FCHSD2: variants seen among roughly 807,000 people sequenced by gnomAD.
FCHSD2 encodes the protein FCH and double SH3 domains 2, also known as F-BAR and double SH3 domains protein 2.
FCHSD2 carries 38 observed loss-of-function variants against 108.1 expected under a neutral mutation model. The observed-to-expected ratio is 0.35, with a 90% CI of 0.27 to 0.46. The LOEUF (loss-of-function observed/expected upper bound fraction) is 0.46, where lower values mean the gene tolerates loss of function less well. Among genes scored for constraint, FCHSD2 ranks in the 20% least tolerant of loss-of-function variants. The pLI is 1.00. For missense variants in FCHSD2, 751 were observed against 897.8 expected, an observed-to-expected ratio of 0.84 and a Z score of 2.09; for synonymous variants, 279 against 314.7, an observed-to-expected ratio of 0.89 and a Z score of 1.20.
At chr11:72,887,882 C>T (rs943322696) in intron 11 of FCHSD2, among the ~76,000 whole-genome samples, 1 of 152,114 alleles carries the variant, frequency 6.6e-6, no homozygotes, top group Non-Finnish European at 1.5e-5. Context: ...TGTAAAAACC[C>T]TCTTGTTCTA....
intron 8 of FCHSD2, 21 bp downstream of exon 8, chr11:72,984,067 T>C (rs375183560): frequency 1.9e-6 from 3 of 1,591,350 alleles, no homozygotes; most frequent in East Asian, 2.2e-5. Context: ...AAAATTACCA[T>C]AGATATGAAA....
intron 10 of FCHSD2, among the ~76,000 whole-genome samples, chr11:72,901,778 G>A (rs2135272748): frequency 6.6e-6 from 1 of 152,102 alleles, no homozygotes. Context: ...AATCTGAAAG[G>A]AATTATAAAA....
chr11:73,019,319 C>T (rs535678446), intron 3 of FCHSD2, among the ~76,000 whole-genome samples: 1 of 152,172 alleles, frequency 6.6e-6, no homozygotes, highest in East Asian at 1.9e-4. Context: ...TTGTTATCAC[C>T]ACAGAGAAAT....
chr11:72,997,007 A>G (rs1857530247), intron 5 of FCHSD2, among the ~76,000 whole-genome samples: 1 of 152,144 alleles, frequency 6.6e-6, no homozygotes. Context: ...AGGGATGCCA[A>G]AAGAACAGGA....
intron 4 of FCHSD2, among the ~76,000 whole-genome samples, chr11:73,008,782 T>C (rs1313412382): frequency 6.6e-6 from 1 of 152,160 alleles, no homozygotes; most frequent in Non-Finnish European, 1.5e-5. Context: ...TTATAGCAGA[T>C]GGAATTGTGA....
chr11:73,060,513 G>C (rs540423917), intron 3 of FCHSD2, among the ~76,000 whole-genome samples: 1 of 152,122 alleles, frequency 6.6e-6, no homozygotes, highest in South Asian at 2.1e-4. Context: ...GTTTTCCAGG[G>C]GAAATAATCA....
In FCHSD2 at chr11:72,837,429, T is replaced by A. The variant is rs1293147213; in HGVS notation, c.*1362A>T. The A allele has an allele frequency of 2.7e-5, 4 of 150,332 alleles. No individual in the cohort carries two copies. 9.3% of individuals were successfully genotyped at this position (150,332 alleles called of 1,614,324 possible). A position where few individuals can be genotyped will look rare whatever the true frequency, so the allele number is the denominator to read the frequency against. ...AGTTTTCAAAGCATAATACAACTTG[T>A]AGATTAAATTCTGCAAATTTGATTT... On this transcript the variant is annotated 3_prime_UTR_variant, in exon 20 of 20. Transcript: ENST00000409418.
rs897581169 is a variant in FCHSD2 at position 72,993,679 on chromosome 11, G to A, written c.388-4582C>T. ...AAGGACAAAAAACCAAACACCGCAT[G>A]TTCTCACTCATAGGTGGGAATTGAA... On this transcript the variant is annotated intron_variant, in intron 5 of 19. Transcript: ENST00000409418. Among the ~76,000 whole-genome samples, 462 of 150,024 alleles carry A rather than the reference G, an allele frequency of 3.1e-3. 5 individuals carry two copies. Among genetic ancestry groups the A allele is most frequent in the African/African-American group, 0.011 (437 of 40,806 alleles).
chr11:73,088,386 T>C (rs1427607067), intron 2 of FCHSD2, among the ~76,000 whole-genome samples: 1 of 152,124 alleles, frequency 6.6e-6, no homozygotes, highest in Non-Finnish European at 1.5e-5. Flanking sequence ...GTTCACACAA[T>C]GACGAAATTG....
intron 8 of FCHSD2, among the ~76,000 whole-genome samples, chr11:72,977,146 A>G (rs1857119451): frequency 6.6e-6 from 1 of 151,366 alleles, no homozygotes; most frequent in African/African-American, 2.4e-5. Flanking sequence ...GTGGTCTTGA[A>G]CTCCTGACCT....
rs532681104 is a variant in FCHSD2, at chr11:73,101,491, G to C, written c.120-17751C>G. ...GTCTCACTCTGTCACCTAGGCTGGAGTGCAGTGGTATGATCATGGCTCACT... is the reference window on the plus strand; with the variant it reads ...GTCTCACTCTGTCACCTAGGCTGGACTGCAGTGGTATGATCATGGCTCACT... On this transcript the variant is annotated intron_variant, in intron 2 of 19. Transcript: ENST00000409418. 3.3e-5 allele frequency among the ~76,000 whole-genome samples: 5 copies of C among 152,234 alleles called. No individual in the cohort carries two copies. The South Asian group carries it at 1.0e-3, about 32-fold the overall frequency.
intron 8 of FCHSD2, among the ~76,000 whole-genome samples, chr11:72,966,230 G>A (rs557767380): frequency 1.3e-5 from 2 of 151,710 alleles, no homozygotes; most frequent in Admixed American, 6.6e-5. Context: ...TGCGATGTCG[G>A]CTCACTGCAA....
Position 72,837,465 on chromosome 11 carries a change from GA to G in FCHSD2, c.*1325del, listed in dbSNP as rs377583611. ...CTGCAAATTTGATTTCTTAACCAAG[GA>G]AAAAAAAAAAAAACAAACCACAACC... On this transcript the variant is annotated 3_prime_UTR_variant, in exon 20 of 20. Transcript: ENST00000409418. 3.4e-3 allele frequency: 440 copies of G among 128,488 alleles called. 2 individuals carry two copies. The highest frequency in any genetic ancestry group is 0.029 in the East Asian group (127 of 4,422). The allele number at this position is 128,488 out of a possible 1,614,324, so 8.0% of individuals were successfully genotyped here.
chr11:72,945,534 C>T (rs1269376371), intron 8 of FCHSD2, among the ~76,000 whole-genome samples: 1 of 151,998 alleles, frequency 6.6e-6, no homozygotes, highest in Non-Finnish European at 1.5e-5. Context: ...GCAACAAAAG[C>T]CAAAATTGAC....
intron 8 of FCHSD2, among the ~76,000 whole-genome samples, chr11:72,949,984 T>C (rs897484645): frequency 2.0e-5 from 3 of 152,112 alleles, no homozygotes; most frequent in Non-Finnish European, 2.9e-5. Flanking sequence ...TTTTCCACAA[T>C]GGCTGTTCCA....
intron 11 of FCHSD2, among the ~76,000 whole-genome samples, chr11:72,888,336 T>C (rs1025861319): frequency 1.3e-5 from 2 of 152,132 alleles, no homozygotes; most frequent in African/African-American, 4.8e-5. Flanking sequence ...AATCAAAGTG[T>C]CCACTTGGAA....
chr11:72,912,241 T>C (rs894458067), intron 9 of FCHSD2, among the ~76,000 whole-genome samples: 1 of 152,220 alleles, frequency 6.6e-6, no homozygotes, highest in Non-Finnish European at 1.5e-5. Flanking sequence ...AGGAAACGCA[T>C]TCAGTTTTTC....
intron 8 of FCHSD2, among the ~76,000 whole-genome samples, chr11:72,956,318 CA>C (rs375942657): frequency 1.3e-4 from 20 of 152,232 alleles, no homozygotes; most frequent in African/African-American, 4.3e-4. Flanking sequence ...CACCATTTGG[CA>C]ACCATCATAA....
chr11:72,867,960 A>C lies in FCHSD2; in HGVS notation c.1213T>G (p.Trp405Gly). ...LKQIGVSVDTWLKSAMNQVME... is the reference protein window; with the variant it reads ...LKQIGVSVDTGLKSAMNQVME... Reference sequence around the variant, plus strand: ...ACTTGGTTCATGGCACTCTTTAGCCATGTGTCCACAGAAACACCAATCTGC... The same window carrying C: ...ACTTGGTTCATGGCACTCTTTAGCCCTGTGTCCACAGAAACACCAATCTGC... The change falls in exon 13 of 20, where the codon TGG becomes GGG. Residue 405 changes from tryptophan to glycine, a missense_variant. Coordinates refer to ENST00000409418, the MANE Select transcript of FCHSD2 (RefSeq NM_014824.3). The C allele has an allele frequency of 6.3e-7, 1 of 1,594,074 alleles. No homozygotes were observed. Among genetic ancestry groups the C allele is most frequent in the South Asian group, 1.1e-5 (1 of 87,588 alleles).
Sources: allele counts gnomAD v4.1 joint callset (sites outside exome capture counted in the v4.1 genomes callset), GRCh38; gene constraint gnomAD v4.1.1; transcripts MANE v1.5; gene names NCBI Gene and HGNC (gene_info 2026-07-23, HGNC 2026-07-21).